CERS3: variants seen among roughly 807,000 people sequenced by gnomAD.
CERS3 encodes ceramide synthase 3.
Under a neutral mutation model 50.3 loss-of-function variants are expected in CERS3, and 33 were observed. The observed-to-expected ratio is 0.66, with a 90% CI of 0.50 to 0.88. The LOEUF is 0.88. Ranked by LOEUF, CERS3 falls within the 40% of genes least tolerant of loss-of-function variation. The probability of loss-of-function intolerance (pLI) is 0.00; values close to 1 mark genes in which losing one functional copy is unlikely to be tolerated. For synonymous variants in CERS3, 176 were observed against 155.2 expected, an observed-to-expected ratio of 1.13 and a Z score of -0.99; for missense variants, 470 against 460.3, an observed-to-expected ratio of 1.02 and a Z score of -0.19.
intron 11 of CERS3, among the ~76,000 whole-genome samples, chr15:100,443,929 A>T (rs1353469666): frequency 6.6e-6 from 1 of 152,180 alleles, no homozygotes; most frequent in African/African-American, 2.4e-5. Context: ...CAAAGATCCT[A>T]AATCCTTTCC....
intron 7 of CERS3, among the ~76,000 whole-genome samples, chr15:100,477,008 C>T (rs1040149067): frequency 6.6e-6 from 1 of 152,174 alleles, no homozygotes; most frequent in African/African-American, 2.4e-5. Flanking sequence ...AATGACGTCA[C>T]CATAGACTTG....
At chr15:100,479,272 G>A (rs2035227436) in intron 7 of CERS3, among the ~76,000 whole-genome samples, 156 bp downstream of exon 7, 1 of 152,028 alleles carries the variant, frequency 6.6e-6, no homozygotes, top group African/African-American at 2.4e-5. Context: ...TGAGACAAAT[G>A]AGGGTCAATA....
intron 11 of CERS3, among the ~76,000 whole-genome samples, chr15:100,438,087 T>C (rs2033513639): frequency 7.6e-6 from 1 of 131,268 alleles, no homozygotes; most frequent in Non-Finnish European, 1.6e-5. Flanking sequence ...TCTCCCAGGC[T>C]GGAGTGGAGT....
intron 11 of CERS3, among the ~76,000 whole-genome samples, chr15:100,439,719 C>T (rs992686875): frequency 2.6e-5 from 4 of 152,200 alleles, no homozygotes; most frequent in Non-Finnish European, 5.9e-5. Flanking sequence ...TAAAAGGAGG[C>T]TTTACGGCTT....
At chr15:100,535,455 A>G (rs2037047919) in intron 1 of CERS3, among the ~76,000 whole-genome samples, 1 of 152,266 alleles carries the variant, frequency 6.6e-6, no homozygotes, top group Non-Finnish European at 1.5e-5. Flanking sequence ...CAAAACAGAC[A>G]CAAGCACACA....
chr15:100,478,681 A>T (rs2035211641), intron 7 of CERS3, among the ~76,000 whole-genome samples: 1 of 99,538 alleles, frequency 1.0e-5, no homozygotes, highest in Non-Finnish European at 2.1e-5. Context: ...AAGGAAAATA[A>T]ACTGCTAATC....
chr15:100,542,263 G>C (rs2037219044), intron 1 of CERS3, among the ~76,000 whole-genome samples: 1 of 152,116 alleles, frequency 6.6e-6, no homozygotes, highest in South Asian at 2.1e-4. Flanking sequence ...ATAATAACTG[G>C]ACTAGAAAAG....
intron 11 of CERS3, 38 bp downstream of exon 11, chr15:100,455,855 A>C (rs368923375): frequency 1.5e-5 from 22 of 1,439,804 alleles, no homozygotes; most frequent in African/African-American, 8.9e-5. Context: ...TTAACCTGGC[A>C]ATGACATTAA....
chr15:100,420,817 A>C (rs1207276955), intron 11 of CERS3, among the ~76,000 whole-genome samples: 1 of 152,118 alleles, frequency 6.6e-6, no homozygotes, highest in Non-Finnish European at 1.5e-5. Flanking sequence ...TATAAACAGA[A>C]CCAGAGACAA....
chr15:100,449,260 G>C (rs1221809376), intron 11 of CERS3, among the ~76,000 whole-genome samples: 1 of 152,196 alleles, frequency 6.6e-6, no homozygotes, highest in African/African-American at 2.4e-5. Flanking sequence ...CTGCAGGCCT[G>C]GGGACTGGCC....
chr15:100,520,996 C>T (rs927553747), intron 2 of CERS3, among the ~76,000 whole-genome samples: 6 of 152,076 alleles, frequency 3.9e-5, no homozygotes, highest in African/African-American at 1.4e-4. Context: ...AATGTTGCAC[C>T]CACACTCATT....
chr15:100,533,298 T>C (rs1347365014), upstream of CERS3, among the ~76,000 whole-genome samples: 1 of 152,158 alleles, frequency 6.6e-6, no homozygotes. Flanking sequence ...CACGTAAGCT[T>C]CAGGAGGACG....
chr15:100,537,351 A>G (rs8031899), intron 1 of CERS3, among the ~76,000 whole-genome samples: 84,750 of 152,120 alleles, frequency 0.56, 23,908 homozygotes, highest in South Asian at 0.65. Context: ...CAAGCTTGAG[A>G]TTGAAGTGAG....
Position 100,521,722 on chromosome 15 carries a change from T to C in CERS3, c.-57A>G, listed in dbSNP as rs1327886294. The stretch of plus-strand genomic sequence containing the variant: ...AACTCAAATACTGTATATATGTATA[T>C]ATATATAAATGTCAGCTTTTGTTTC... On this transcript the variant is annotated 5_prime_UTR_variant, in exon 2 of 12. It adds an upstream start codon to the 5' untranslated region. Transcript: ENST00000679737. 1 of 152,148 alleles carries C rather than the reference T, an allele frequency of 6.6e-6. No homozygotes were observed. The highest frequency in any genetic ancestry group is 6.5e-5 in the Admixed American group (1 of 15,280). The allele number at this position is 152,148 out of a possible 1,614,324, so 9.4% of individuals were successfully genotyped here. A position where few individuals can be genotyped will look rare whatever the true frequency, so the allele number is the denominator to read the frequency against.
chr15:100,449,902 CTT>C (rs1237011686), intron 11 of CERS3, among the ~76,000 whole-genome samples: 2 of 152,032 alleles, frequency 1.3e-5, no homozygotes, highest in Non-Finnish European at 2.9e-5. Flanking sequence ...TAAAAACAAA[CTT>C]AAGATATCCC....
chr15:100,502,457 G>A (rs181858677), intron 2 of CERS3, among the ~76,000 whole-genome samples: 41 of 152,082 alleles, frequency 2.7e-4, no homozygotes, highest in Admixed American at 1.3e-3. Context: ...TATTATGCAC[G>A]TGTATTTTCT....
intron 11 of CERS3, among the ~76,000 whole-genome samples, chr15:100,440,308 A>G (rs2033622049): frequency 6.6e-6 from 1 of 152,182 alleles, no homozygotes; most frequent in Non-Finnish European, 1.5e-5. Context: ...TGACCTGCAC[A>G]TACACATCCA....
chr15:100,499,300 G>T (rs933226098), intron 3 of CERS3, among the ~76,000 whole-genome samples: 4 of 152,084 alleles, frequency 2.6e-5, no homozygotes, highest in Non-Finnish European at 5.9e-5. Flanking sequence ...ATAAAAGAAT[G>T]CACAGAAGAT....
At chr15:100,420,183 G>A (rs1391534100) in intron 11 of CERS3, among the ~76,000 whole-genome samples, 17 of 146,718 alleles carry the variant, frequency 1.2e-4, no homozygotes, top group African/African-American at 4.0e-4. Context: ...TAGACCGCTA[G>A]CAAGACTAAT....
Sources: gnomAD v4.1 joint callset for allele counts (sites outside exome capture counted in the v4.1 genomes callset) on GRCh38, gnomAD v4.1.1 for gene constraint, MANE v1.5 for transcripts, NCBI Gene and HGNC (gene_info 2026-07-23, HGNC 2026-07-21) for gene names.